Variants in TAF4 observed in about 807,000 individuals in gnomAD.
TAF4 encodes transcription initiation factor TFIID subunit 4.
TAF4 carries 9 observed loss-of-function variants against 90.3 expected under a neutral mutation model. The ratio of observed to expected loss-of-function variants is 0.10; its 90% CI spans 0.06 to 0.17. The LOEUF is 0.17. TAF4 is among the 10% of genes least tolerant of loss of function. The pLI is 1.00. For missense variants in TAF4, 1,351 were observed against 1,370.7 expected (o/e 0.99, Z 0.23); for synonymous variants, 818 against 638.9 (o/e 1.28, Z -4.23).
intron 1 of TAF4, among the ~76,000 whole-genome samples, chr20:62,052,285 A>C (rs2145514533): frequency 6.9e-6 from 1 of 144,034 alleles, no homozygotes; most frequent in Non-Finnish European, 1.5e-5. Flanking sequence ...GCACGAATCC[A>C]AATGGGGCGC....
chr20:62,044,203 A>G (rs1322077235), intron 1 of TAF4, among the ~76,000 whole-genome samples: 1 of 152,220 alleles, frequency 6.6e-6, no homozygotes. Flanking sequence ...ATTCAGAGTA[A>G]TTTCCTGAGT....
At chr20:62,023,747 C>CA (rs59813943) in intron 1 of TAF4, among the ~76,000 whole-genome samples, 723 of 59,524 alleles carry the variant, frequency 0.012, 21 homozygotes, top group Middle Eastern at 0.026. Flanking sequence ...GACTCCATCT[C>CA]AAAAAAAAAA....
intron 14 of TAF4, among the ~76,000 whole-genome samples, chr20:61,985,981 TCAAAGGAAATACCATCCCCAAC>T (rs2055588921): frequency 1.2e-5 from 1 of 83,580 alleles, no homozygotes; most frequent in African/African-American, 5.4e-5. Flanking sequence ...CCATCCCCAA[TCAAAGGAAATACCATCCCCAAC>T]CAAAGGAAAC....
intron 7 of TAF4, among the ~76,000 whole-genome samples, chr20:62,004,099 G>A (rs528233496): frequency 1.1e-3 from 164 of 152,294 alleles, no homozygotes; most frequent in Non-Finnish European, 1.6e-3. Flanking sequence ...AGGGGTGCCC[G>A]TGTGAGCACA....
chr20:62,065,598 C>T lies in TAF4; in HGVS notation c.213G>A (p.Ala71=), dbSNP rs1246560136. 3.0e-6 allele frequency: 3 copies of T among 987,462 alleles called. No homozygotes were observed. The highest frequency in any genetic ancestry group is 3.6e-6 in the Non-Finnish European group (3 of 833,884). 61.2% of individuals were successfully genotyped at this position (987,462 alleles called of 1,614,324 possible). Residue 71 remains alanine (A), a synonymous_variant, in exon 1 of 15, where the codon GCG becomes GCA. Coordinates refer to ENST00000252996, the MANE Select transcript of TAF4 (RefSeq NM_003185.4). ...HVVSGSPAGA[A]GAGPAAPAEG... is the part of the protein sequence containing the mutation. The stretch of plus-strand genomic sequence containing the variant: ...CGGCGGGGGCGGCCGGCCCTGCGCC[C>T]GCGGCTCCGGCCGGGCTGCCGCTCA...
At chr20:62,017,765 C>T (rs572303907) in intron 1 of TAF4, among the ~76,000 whole-genome samples, 38 of 151,426 alleles carry the variant, frequency 2.5e-4, no homozygotes, top group Admixed American at 8.5e-4. Flanking sequence ...ACCTGGGAGG[C>T]GGAGGTTGCA....
intron 1 of TAF4, among the ~76,000 whole-genome samples, chr20:62,040,336 C>T (rs1444925750): frequency 6.6e-6 from 1 of 152,236 alleles, no homozygotes; most frequent in African/African-American, 2.4e-5. Context: ...TTGGGCACCA[C>T]GCAGAAGTAT....
intron 14 of TAF4, among the ~76,000 whole-genome samples, chr20:61,981,986 G>A (rs113045501): frequency 3.6e-5 from 4 of 112,616 alleles, no homozygotes; most frequent in Non-Finnish European, 7.4e-5. Context: ...ACACCCACCC[G>A]AGAGGAGACA....
At chr20:62,014,295 CG>C (rs566083632) in intron 2 of TAF4, among the ~76,000 whole-genome samples, 107 of 152,208 alleles carry the variant, frequency 7.0e-4, no homozygotes, top group African/African-American at 2.5e-3. Flanking sequence ...TGACCCCACT[CG>C]GCCCGCCCTG....
chr20:62,011,671 A>G (rs1397806544), intron 3 of TAF4, among the ~76,000 whole-genome samples: 1 of 151,916 alleles, frequency 6.6e-6, no homozygotes, highest in East Asian at 1.9e-4. Context: ...TTGCGGGGGG[A>G]GCTGCCCCTG....
intron 7 of TAF4, chr20:62,004,498 A>AT (rs1403255373): frequency 4.1e-5 from 6 of 144,684 alleles, no homozygotes; most frequent in South Asian, 4.5e-4. Context: ...AATTTTTGTA[A>AT]TTTTTTTTTT....
intron 11 of TAF4, 32 bp downstream of exon 11, chr20:62,000,092 A>T (rs771589178): frequency 1.2e-6 from 2 of 1,614,188 alleles, no homozygotes; most frequent in South Asian, 2.2e-5. Flanking sequence ...CCAACAACAT[A>T]AAGACGCTCT....
intron 12 of TAF4, among the ~76,000 whole-genome samples, chr20:61,998,596 T>A (rs763611348): frequency 6.6e-6 from 1 of 152,148 alleles, no homozygotes; most frequent in Non-Finnish European, 1.5e-5. Context: ...CCCCCGTCCC[T>A]GGGGAACTGT....
At position 62,054,835 on chromosome 20, in the gene TAF4, C is replaced by T. The variant is rs554421116; in HGVS notation, c.1360+9616G>A. On this transcript the variant is annotated intron_variant, in intron 1 of 14. Transcript: ENST00000252996. ...ATCAGAGCCAGCAACACCACGACTC[C>T]CAGACCCTGGCCTGTGCCAGCTGCT... is the stretch of plus-strand genomic sequence containing the variant. 2.6e-5 allele frequency among the ~76,000 whole-genome samples: 4 copies of T among 152,262 alleles called. No individual in the cohort carries two copies. In the East Asian group the frequency reaches 5.8e-4, roughly 22 times the overall value.
At chr20:62,059,290 GACA>G (rs1364232369) in intron 1 of TAF4, among the ~76,000 whole-genome samples, 2 of 152,224 alleles carry the variant, frequency 1.3e-5, no homozygotes, top group Non-Finnish European at 2.9e-5. Flanking sequence ...CCTCATGGTG[GACA>G]ACATGTATCT....
chr20:62,025,175 T>C (rs778124340), intron 1 of TAF4, among the ~76,000 whole-genome samples: 3 of 116,776 alleles, frequency 2.6e-5, no homozygotes, highest in Non-Finnish European at 5.4e-5. Context: ...ACCTGAGGTG[T>C]TTTAAGCAAG....
rs758182081 is a variant in TAF4, at chr20:62,009,183, A to C, written c.1762-9T>G. The C allele has an allele frequency of 6.3e-7, 1 of 1,599,242 alleles. No individual in the cohort carries two copies. The highest frequency in any genetic ancestry group is 8.5e-7 in the Non-Finnish European group (1 of 1,175,176). ...ACGTTTTCCATAGTTTCCTGGATTAAAGTAAAAAGATATAAGTGAAAAATC... is the reference window on the plus strand; with the variant it reads ...ACGTTTTCCATAGTTTCCTGGATTACAGTAAAAAGATATAAGTGAAAAATC... On this transcript the variant is annotated splice_polypyrimidine_tract_variant and intron_variant, in intron 4 of 14. Coordinates refer to ENST00000252996, the MANE Select transcript of TAF4 (RefSeq NM_003185.4).
intron 14 of TAF4, among the ~76,000 whole-genome samples, chr20:61,978,537 G>A (rs146268070): frequency 0.018 from 2,719 of 149,644 alleles, 76 homozygotes; most frequent in African/African-American, 0.022. Context: ...AACCAAGGCC[G>A]GGGGCGAGAC....
At chr20:62,046,213 G>C (rs28382017) in intron 1 of TAF4, among the ~76,000 whole-genome samples, 47 of 152,290 alleles carry the variant, frequency 3.1e-4, no homozygotes, top group Middle Eastern at 3.4e-3. Context: ...CCAGGGACTT[G>C]GTACGGCTTT....
Sources: gnomAD v4.1 joint callset for allele counts (sites outside exome capture counted in the v4.1 genomes callset) on GRCh38, gnomAD v4.1.1 for gene constraint, MANE v1.5 for transcripts, NCBI Gene and HGNC (gene_info 2026-07-23, HGNC 2026-07-21) for gene names.